The following AVL9 variants were observed in gnomAD, a reference collection of about 807,000 sequenced individuals.
AVL9 encodes the protein AVL9 cell migration associated.
In AVL9, 49 loss-of-function variants were observed where a neutral mutation model predicts 79.2. That is an observed-to-expected ratio of 0.62 (90% CI 0.49 to 0.79). The LOEUF is 0.79. AVL9 is among the 30% of genes least tolerant of loss of function. The probability of loss-of-function intolerance (pLI) is 0.00; values close to 1 mark genes in which losing one functional copy is unlikely to be tolerated. For missense variants in AVL9, 682 were observed against 776.8 expected (o/e 0.88, Z 1.45); for synonymous variants, 299 against 280.6 (o/e 1.07, Z -0.65).
intron 1 of AVL9, chr7:32,532,846 C>G (rs1321914151): frequency 6.6e-6 from 1 of 152,156 alleles, no homozygotes; most frequent in Non-Finnish European, 1.5e-5. Flanking sequence ...TTGAGAGCAG[C>G]CTGGGCAACG....
intron 1 of AVL9, among the ~76,000 whole-genome samples, chr7:32,509,393 C>T (rs1363267464): frequency 6.6e-6 from 1 of 152,130 alleles, no homozygotes; most frequent in Non-Finnish European, 1.5e-5. Flanking sequence ...TCAGGGGTCA[C>T]CTGTTCTTGC....
intron 10 of AVL9, among the ~76,000 whole-genome samples, chr7:32,560,664 G>C (rs1790292699): frequency 6.6e-6 from 1 of 152,156 alleles, no homozygotes; most frequent in Non-Finnish European, 1.5e-5. Context: ...ACCTCCTCCT[G>C]TGAATCACAG....
At chr7:32,572,131 C>T (rs1721502285) in intron 11 of AVL9, among the ~76,000 whole-genome samples, 1 of 148,408 alleles carries the variant, frequency 6.7e-6, no homozygotes, top group Non-Finnish European at 1.5e-5. Context: ...CACTGCACTC[C>T]AGCTTGGGCG....
intron 1 of AVL9, among the ~76,000 whole-genome samples, chr7:32,540,922 G>A (rs1176153281): frequency 2.0e-5 from 2 of 99,480 alleles, no homozygotes; most frequent in African/African-American, 3.9e-5. Context: ...TTTTTGAGAC[G>A]GAGTCTCGCT....
At chr7:32,520,519 G>T (rs1220827482) in intron 1 of AVL9, among the ~76,000 whole-genome samples, 13 of 152,274 alleles carry the variant, frequency 8.5e-5, no homozygotes, top group Non-Finnish European at 1.5e-4. Flanking sequence ...AAGGTCTGTT[G>T]TAAGGTCTAT....
At chr7:32,562,607 A>G (rs984599857) in intron 10 of AVL9, 2 of 983,518 alleles carry the variant, frequency 2.0e-6, no homozygotes, top group Non-Finnish European at 2.4e-6. Context: ...AAGATGAAGC[A>G]GTCAACTTCA....
chr7:32,549,020 TA>T, intron 4 of AVL9, 102 bp downstream of exon 4: 1 of 669,732 alleles, frequency 1.5e-6, no homozygotes, highest in Non-Finnish European at 2.3e-6. Context: ...AATGACATAT[TA>T]AAATTATTTA....
In AVL9 at chr7:32,509,620, C is replaced by T. The variant is rs542918408; in HGVS notation, c.93+13818C>T. On this transcript the variant is annotated intron_variant, in intron 1 of 15. Coordinates refer to ENST00000318709, the MANE Select transcript of AVL9 (RefSeq NM_015060.3). ...AAAGGAACAGACTGTCTTGGCCGGG[C>T]GGGCGGATCACTTGAGGTCAGGAGT... 3.9e-5 allele frequency among the ~76,000 whole-genome samples: 6 copies of T among 152,186 alleles called. No individual in the cohort carries two copies. The South Asian group carries it at 6.2e-4, about 16-fold the overall frequency.
intron 1 of AVL9, among the ~76,000 whole-genome samples, chr7:32,540,944 G>C (rs1330087031): frequency 1.6e-5 from 2 of 128,266 alleles, no homozygotes; most frequent in Non-Finnish European, 1.6e-5. Flanking sequence ...TGTCGCCCAG[G>C]CTGGAGTGCA....
rs780517262 is a variant in AVL9 at position 32,544,785 on chromosome 7, ATAGT to A, written c.300+9_300+12del. The A allele has an allele frequency of 6.2e-7, 1 of 1,607,020 alleles. No homozygotes were observed. Among genetic ancestry groups the A allele is most frequent in the Non-Finnish European group, 8.5e-7 (1 of 1,174,434 alleles). On this transcript the variant is annotated splice_region_variant and intron_variant, in intron 3 of 15. Transcript: ENST00000318709. Reference sequence around the variant, plus strand: ...ATCGACAAATTGAAGCCAAGGTACGATAGTTAATAGTGAAAAACAATTCCAAAGT... The same window carrying A: ...ATCGACAAATTGAAGCCAAGGTACGATAATAGTGAAAAACAATTCCAAAGT...
chr7:32,580,090 G>A (rs1185787914), intron 13 of AVL9, 129 bp from the exon 14 acceptor site: 4 of 683,216 alleles, frequency 5.9e-6, no homozygotes, highest in East Asian at 5.7e-5. Context: ...CAAGTTTCCC[G>A]ATACCAAACA....
chr7:32,538,178 A>G (rs1213563451), intron 1 of AVL9: 1 of 152,246 alleles, frequency 6.6e-6, no homozygotes, highest in Non-Finnish European at 1.5e-5. Flanking sequence ...AGCTTCAGAT[A>G]TTAATTAAAC....
At chr7:32,495,848 CCCTT>C in intron 1 of AVL9, 46 bp downstream of exon 1, 1 of 1,221,094 alleles carries the variant, frequency 8.2e-7, no homozygotes, top group Non-Finnish European at 1.0e-6. Flanking sequence ...GGGCGTTCGC[CCCTT>C]CCGGGGCCCC....
rs772239506 is a variant in AVL9 at position 32,580,238 on chromosome 7, T to C, written c.1708T>C (p.Tyr570His). The change falls in exon 14 of 16, where the codon TAC becomes CAC. Residue 570 changes from tyrosine (Y) to histidine (H), a missense_variant. Transcript: ENST00000318709. ...TTACAGCCATCCATTTCAAGGCCAA[T>C]ACTCAGTATCAGACATGAAGTTAAG... ...INPNHPFQGQ[Y>H]SVSDMKLRFS... The C allele has an allele frequency of 1.2e-6, 2 of 1,612,784 alleles. No individual in the cohort carries two copies. The highest frequency in any genetic ancestry group is 4.5e-5 in the East Asian group (2 of 44,784).
In AVL9 at chr7:32,578,670, G is replaced by A. The variant is rs908941404; in HGVS notation, c.1689-1549G>A. On this transcript the variant is annotated intron_variant, in intron 13 of 15. Coordinates refer to ENST00000318709, the MANE Select transcript of AVL9 (RefSeq NM_015060.3). ...TAAAAATACAAAAAAGTAGCCGGGT[G>A]TGGTGGTACATGCCTGTACTCCCAG... Among the ~76,000 whole-genome samples, 18 of 152,064 alleles carry A rather than the reference G, an allele frequency of 1.2e-4. No homozygotes were observed. The East Asian group carries it at 2.7e-3, about 23-fold the overall frequency.
At chr7:32,582,554 G>A (rs961114958) in intron 15 of AVL9, among the ~76,000 whole-genome samples, 3 of 152,106 alleles carry the variant, frequency 2.0e-5, no homozygotes, top group African/African-American at 4.8e-5. Context: ...GATTATTATA[G>A]ATACATCATT....
intron 6 of AVL9, 130 bp downstream of exon 6, chr7:32,552,425 G>C: frequency 1.8e-6 from 1 of 569,132 alleles, no homozygotes; most frequent in Non-Finnish European, 3.2e-6. Context: ...ATTTGATGCT[G>C]TTTCTTCCTT....
At chr7:32,578,859 A>G (rs951683554) in intron 13 of AVL9, among the ~76,000 whole-genome samples, 15 of 152,164 alleles carry the variant, frequency 9.9e-5, no homozygotes, top group Non-Finnish European at 4.4e-5. Context: ...GTCATTTAGA[A>G]ATATTTCAAA....
intron 1 of AVL9, 52 bp downstream of exon 1, chr7:32,495,854 C>CGGAA: frequency 1.7e-6 from 2 of 1,178,760 alleles, no homozygotes; most frequent in Non-Finnish European, 2.2e-6. Flanking sequence ...TCGCCCCTTC[C>CGGAA]GGGGCCCCCC....
Sources: gnomAD v4.1 joint callset for allele counts (sites outside exome capture counted in the v4.1 genomes callset) on GRCh38, gnomAD v4.1.1 for gene constraint, MANE v1.5 for transcripts, NCBI Gene and HGNC (gene_info 2026-07-23, HGNC 2026-07-21) for gene names.